CAMK2D: variants seen among roughly 807,000 people sequenced by gnomAD.
The protein encoded by CAMK2D is calcium/calmodulin dependent protein kinase II delta, also known as calcium/calmodulin-dependent protein kinase type II subunit delta.
CAMK2D carries 37 observed loss-of-function variants against 84.0 expected under a neutral mutation model. The ratio of observed to expected loss-of-function variants is 0.44; its 90% CI spans 0.34 to 0.58. The LOEUF is 0.58. Ranked by LOEUF, CAMK2D falls within the 20% of genes least tolerant of loss-of-function variation. The probability of loss-of-function intolerance (pLI) is 0.02; values close to 1 mark genes in which losing one functional copy is unlikely to be tolerated. For missense variants in CAMK2D, 448 were observed against 652.5 expected (o/e 0.69, Z 3.41); for synonymous variants, 202 against 212.5 (o/e 0.95, Z 0.43).
intron 4 of CAMK2D, among the ~76,000 whole-genome samples, chr4:113,581,847 G>C (rs751283079): frequency 6.6e-6 from 1 of 152,132 alleles, no homozygotes. Flanking sequence ...GCTATATTAA[G>C]TAAAAGTAGA....
intron 16 of CAMK2D, among the ~76,000 whole-genome samples, chr4:113,474,624 A>G (rs1251802312): frequency 6.7e-6 from 1 of 148,986 alleles, no homozygotes; most frequent in Non-Finnish European, 1.5e-5. Flanking sequence ...TATATCTTTC[A>G]GGTCAAGAGT....
chr4:113,464,320 T>C (rs1423191731), intron 17 of CAMK2D, among the ~76,000 whole-genome samples: 2 of 152,260 alleles, frequency 1.3e-5, no homozygotes, highest in Admixed American at 1.3e-4. Flanking sequence ...TTTCTACTTT[T>C]CAATCATATT....
At chr4:113,507,972 C>T (rs552663039) in intron 13 of CAMK2D, among the ~76,000 whole-genome samples, 2 of 152,206 alleles carry the variant, frequency 1.3e-5, no homozygotes, top group South Asian at 4.1e-4. Context: ...TTCATTCTGT[C>T]ATGGTCTTTT....
chr4:113,637,886 A>G (rs2099116167), intron 3 of CAMK2D, among the ~76,000 whole-genome samples: 1 of 152,170 alleles, frequency 6.6e-6, no homozygotes, highest in African/African-American at 2.4e-5. Flanking sequence ...AATAATAAAT[A>G]CTAAATCTTT....
chr4:113,626,104 T>G (rs1168201074), intron 3 of CAMK2D, among the ~76,000 whole-genome samples: 2 of 151,828 alleles, frequency 1.3e-5, no homozygotes, highest in Non-Finnish European at 2.9e-5. Context: ...CTGAATACAT[T>G]TTGAAAGTAG....
chr4:113,545,288 T>C (rs935477579), intron 6 of CAMK2D, among the ~76,000 whole-genome samples: 1 of 152,178 alleles, frequency 6.6e-6, no homozygotes, highest in African/African-American at 2.4e-5. Context: ...CTTATATCCT[T>C]ATAGGTGCTG....
chr4:113,627,262 A>G (rs769219519), intron 3 of CAMK2D, among the ~76,000 whole-genome samples: 10 of 152,148 alleles, frequency 6.6e-5, no homozygotes, highest in Non-Finnish European at 1.5e-4. Flanking sequence ...GATTCTTTCA[A>G]TTTATATCAT....
chr4:113,744,665 G>A (rs535241292), intron 2 of CAMK2D, among the ~76,000 whole-genome samples: 1 of 151,980 alleles, frequency 6.6e-6, no homozygotes, highest in African/African-American at 2.4e-5. Flanking sequence ...TCACAAAATT[G>A]ATTATCATAG....
chr4:113,622,059 T>C (rs1367960579), intron 3 of CAMK2D, among the ~76,000 whole-genome samples: 1 of 152,228 alleles, frequency 6.6e-6, no homozygotes, highest in African/African-American at 2.4e-5. Context: ...TAACTTGCTA[T>C]TGAGAAAGTT....
intron 11 of CAMK2D, 38 bp from the exon 12 acceptor site, chr4:113,513,408 T>G (rs1210887819): frequency 7.4e-7 from 1 of 1,346,164 alleles, no homozygotes; most frequent in Admixed American, 1.7e-5. Flanking sequence ...CAGTGTTGCC[T>G]ATGCAAATTC....
intron 2 of CAMK2D, among the ~76,000 whole-genome samples, chr4:113,743,190 T>A (rs1212480657): frequency 6.6e-6 from 1 of 152,224 alleles, no homozygotes; most frequent in Non-Finnish European, 1.5e-5. Flanking sequence ...GGAAGGAACA[T>A]AACAGAATGA....
intron 15 of CAMK2D, 56 bp from the exon 16 acceptor site, chr4:113,500,567 C>A: frequency 8.2e-7 from 1 of 1,216,242 alleles, no homozygotes; most frequent in South Asian, 1.3e-5. Context: ...TTGATTTCCT[C>A]CTTAAAAATT....
chr4:113,498,581 T>A (rs2097977784), intron 16 of CAMK2D, among the ~76,000 whole-genome samples: 1 of 152,206 alleles, frequency 6.6e-6, no homozygotes, highest in African/African-American at 2.4e-5. Context: ...ACATTTCTTT[T>A]GATCTCAATA....
chr4:113,484,032 C>A (rs997322166), intron 16 of CAMK2D, among the ~76,000 whole-genome samples: 1 of 152,142 alleles, frequency 6.6e-6, no homozygotes, highest in African/African-American at 2.4e-5. Context: ...CCGAGAGACT[C>A]ATGAAATCTG....
At chr4:113,639,194 A>T (rs2099122183) in intron 3 of CAMK2D, among the ~76,000 whole-genome samples, 1 of 151,930 alleles carries the variant, frequency 6.6e-6, no homozygotes, top group African/African-American at 2.4e-5. Context: ...CTGAGCTATG[A>T]TCTCTTCACT....
chr4:113,696,944 T>A (rs1387759784), intron 2 of CAMK2D, among the ~76,000 whole-genome samples: 2 of 152,048 alleles, frequency 1.3e-5, no homozygotes, highest in East Asian at 1.9e-4. Flanking sequence ...GTAATGCATA[T>A]GAACGTTTTG....
At position 113,747,164 on chromosome 4, in the gene CAMK2D, T is replaced by C. The variant is rs1449216658; in HGVS notation, c.160+12156A>G. On this transcript the variant is annotated intron_variant, in intron 2 of 20. Transcript: ENST00000511664. ...GGGCCTTGCTAGGGAGGCTAAATAT[T>C]TAAATCGAAGTTGTCTTCTAAGTGA... 2.0e-5 allele frequency among the ~76,000 whole-genome samples: 3 copies of C among 151,936 alleles called. 1 individual carries two copies. In the East Asian group the frequency reaches 5.8e-4, roughly 29 times the overall value.
intron 4 of CAMK2D, among the ~76,000 whole-genome samples, chr4:113,593,917 T>C (rs1460720732): frequency 2.2e-5 from 3 of 138,238 alleles, no homozygotes; most frequent in African/African-American, 7.5e-5. Flanking sequence ...AGAGTTGTGC[T>C]TTTTTTTTTC....
intron 16 of CAMK2D, among the ~76,000 whole-genome samples, chr4:113,489,352 A>G (rs1416708984): frequency 7.4e-6 from 1 of 134,230 alleles, no homozygotes; most frequent in African/African-American, 3.0e-5. Flanking sequence ...ATGTGATCTC[A>G]TAGTTCAATT....
Sources: gnomAD v4.1 joint callset for allele counts (sites outside exome capture counted in the v4.1 genomes callset) on GRCh38, gnomAD v4.1.1 for gene constraint, MANE v1.5 for transcripts, NCBI Gene and HGNC (gene_info 2026-07-23, HGNC 2026-07-21) for gene names.